PLXNA4: variants seen among roughly 807,000 people sequenced by gnomAD.
PLXNA4 encodes the protein plexin-A4.
In PLXNA4, 44 loss-of-function variants were observed where a neutral mutation model predicts 191.8. The observed-to-expected ratio is 0.23, with a 90% CI of 0.18 to 0.29. PLXNA4 has a LOEUF of 0.29. Among genes scored for constraint, PLXNA4 ranks in the 10% least tolerant of loss-of-function variants. The pLI, the probability that PLXNA4 is intolerant of heterozygous loss-of-function variation, is 1.00. For missense variants in PLXNA4, 1,800 were observed against 2,488.8 expected, an observed-to-expected ratio of 0.72 and a Z score of 5.89; for synonymous variants, 1,082 against 1,009.5, an observed-to-expected ratio of 1.07 and a Z score of -1.36.
At chr7:132,415,539 C>T (rs2117114877) in intron 3 of PLXNA4, among the ~76,000 whole-genome samples, 1 of 152,208 alleles carries the variant, frequency 6.6e-6, no homozygotes, top group Admixed American at 6.5e-5. Context: ...GGTATTGTCT[C>T]CATATGCTAA....
At chr7:132,541,024 A>C (rs887108982) in intron 1 of PLXNA4, among the ~76,000 whole-genome samples, 44 of 152,222 alleles carry the variant, frequency 2.9e-4, no homozygotes, top group Admixed American at 2.8e-3. Context: ...GAGTGAATGT[A>C]ATCAGTAGAA....
chr7:132,170,684 G>T (rs1020750812), intron 21 of PLXNA4, among the ~76,000 whole-genome samples: 2 of 152,212 alleles, frequency 1.3e-5, no homozygotes, highest in Non-Finnish European at 2.9e-5. Context: ...CAGCCCCAGA[G>T]AGCCCTGAGA....
intron 1 of PLXNA4, among the ~76,000 whole-genome samples, chr7:132,551,776 T>C (rs1266116396): frequency 1.3e-5 from 2 of 152,244 alleles, no homozygotes; most frequent in African/African-American, 4.8e-5. Flanking sequence ...CTCTGTGTCC[T>C]TTTAACATCC....
intron 30 of PLXNA4, among the ~76,000 whole-genome samples, chr7:132,134,317 C>T (rs1358726640): frequency 1.3e-5 from 2 of 152,232 alleles, no homozygotes; most frequent in African/African-American, 4.8e-5. Context: ...CTGTCTTGTG[C>T]TGTTTCCCTG....
chr7:132,369,262 G>A (rs1294071740), intron 3 of PLXNA4, among the ~76,000 whole-genome samples: 2 of 152,188 alleles, frequency 1.3e-5, no homozygotes, highest in Non-Finnish European at 2.9e-5. Context: ...GGCCCCCAGA[G>A]CCACCCAGGT....
Position 132,124,966 on chromosome 7 carries a change from T to C in PLXNA4, c.*5513A>G, listed in dbSNP as rs779000855. 25 of 151,794 alleles carry C rather than the reference T, an allele frequency of 1.6e-4. No homozygotes were observed. The highest frequency in any genetic ancestry group is 2.6e-4 in the Non-Finnish European group (18 of 68,010). The allele number at this position is 151,794 out of a possible 1,614,324, so 9.4% of individuals were successfully genotyped here. A position where few individuals can be genotyped will look rare whatever the true frequency, so the allele number is the denominator to read the frequency against. ...ATGTATTTCTCTTACAACCAAAAAA[T>C]TCTATATACTTTTAAAACTTGGATA... On this transcript the variant is annotated 3_prime_UTR_variant, in exon 32 of 32. Coordinates refer to ENST00000321063, the MANE Select transcript of PLXNA4 (RefSeq NM_020911.2).
intron 4 of PLXNA4, among the ~76,000 whole-genome samples, chr7:132,274,725 C>T (rs73157250): frequency 0.039 from 5,802 of 148,874 alleles, 176 homozygotes; most frequent in Middle Eastern, 0.068. Context: ...ATTTTTGGCA[C>T]GAATACCACA....
At chr7:132,289,510 G>A (rs1800805276) in intron 4 of PLXNA4, among the ~76,000 whole-genome samples, 1 of 152,104 alleles carries the variant, frequency 6.6e-6, no homozygotes, top group Non-Finnish European at 1.5e-5. Context: ...CTTAGGGAAT[G>A]CATCTTTTAA....
intron 3 of PLXNA4, among the ~76,000 whole-genome samples, chr7:132,479,346 CAAGG>C (rs1368130222): frequency 6.6e-6 from 1 of 152,046 alleles, no homozygotes; most frequent in Admixed American, 6.5e-5. Flanking sequence ...AGGGCAGCCC[CAAGG>C]AAGGGAGAGC....
chr7:132,228,442 C>A lies in PLXNA4; in HGVS notation c.1632G>T (p.Arg544=). Residue 544 remains arginine, a synonymous_variant, in exon 6 of 32, where the codon CGG becomes CGT. Transcript: ENST00000321063. Reference sequence around the variant, plus strand: ...AGGCAAACCTGCGGGGCTCCTTGGACCGCTCACACCGCTCCTTCCGGGTGC... The same window carrying A: ...AGGCAAACCTGCGGGGCTCCTTGGAACGCTCACACCGCTCCTTCCGGGTGC... ...NTCTRKERCE[R]SKEPRRFASE... is the part of the protein sequence containing the mutation. 1 of 1,614,148 alleles carries A rather than the reference C, an allele frequency of 6.2e-7. No homozygotes were observed. Among genetic ancestry groups the A allele is most frequent in the Non-Finnish European group, 8.5e-7 (1 of 1,180,036 alleles).
chr7:132,522,727 G>A (rs1799240533), intron 1 of PLXNA4, among the ~76,000 whole-genome samples: 1 of 152,300 alleles, frequency 6.6e-6, no homozygotes, highest in South Asian at 2.1e-4. Flanking sequence ...AGCTGAGATT[G>A]TGCCACTGCA....
intron 3 of PLXNA4, among the ~76,000 whole-genome samples, chr7:132,410,735 G>T (rs1404764471): frequency 6.6e-6 from 1 of 152,188 alleles, no homozygotes; most frequent in East Asian, 1.9e-4. Context: ...GGGGAAGACT[G>T]CTATCGTTTA....
chr7:132,241,497 A>C (rs1300244377), intron 4 of PLXNA4, among the ~76,000 whole-genome samples: 5 of 152,306 alleles, frequency 3.3e-5, no homozygotes, highest in Middle Eastern at 3.4e-3. Context: ...TATCTCTACA[A>C]ATGGCCAATT....
intron 1 of PLXNA4, among the ~76,000 whole-genome samples, chr7:132,513,100 G>A (rs1366655737): frequency 6.6e-6 from 1 of 152,166 alleles, no homozygotes; most frequent in Non-Finnish European, 1.5e-5. Context: ...AGTCTCAGGG[G>A]AGATGGGACT....
At chr7:132,202,021 C>CA (rs1797453754) in intron 12 of PLXNA4, among the ~76,000 whole-genome samples, 2 of 152,150 alleles carry the variant, frequency 1.3e-5, no homozygotes, top group Non-Finnish European at 2.9e-5. Context: ...GGTGATTTAG[C>CA]CCCAAGGTAC....
chr7:132,430,023 A>T (rs1330626499), intron 3 of PLXNA4, among the ~76,000 whole-genome samples: 3 of 152,164 alleles, frequency 2.0e-5, no homozygotes. Flanking sequence ...TTGCGTCTCA[A>T]TCTGCCCCTC....
intron 3 of PLXNA4, among the ~76,000 whole-genome samples, chr7:132,429,918 T>A (rs1795196258): frequency 6.6e-6 from 1 of 152,162 alleles, no homozygotes; most frequent in Admixed American, 6.5e-5. Context: ...CTGACGTCTG[T>A]GAGAACCCAG....
Position 132,179,032 on chromosome 7 carries a change from GCACACA to G in PLXNA4, c.3874+649_3874+654del, listed in dbSNP as rs67794762. Among the ~76,000 whole-genome samples the G allele has an allele frequency of 1.8e-4, 11 of 61,662 alleles. No homozygotes were observed. In the East Asian group the frequency reaches 2.8e-3, roughly 16 times the overall value. 40.5% of individuals were successfully genotyped at this position (61,662 alleles called of 152,430 possible). ...CACATACACATATACAGGCGCGCGC[GCACACA>G]CACACACACACACACACACGGCCTC... is the stretch of plus-strand genomic sequence containing the variant. On this transcript the variant is annotated intron_variant, in intron 20 of 31. Transcript: ENST00000321063.
chr7:132,132,387 G>A (rs531284877), intron 31 of PLXNA4, among the ~76,000 whole-genome samples: 1 of 41,524 alleles, frequency 2.4e-5, no homozygotes, highest in Non-Finnish European at 4.8e-5. Flanking sequence ...TATTTGTTCT[G>A]TTCTGTTCTG....
Sources: allele counts gnomAD v4.1 joint callset (sites outside exome capture counted in the v4.1 genomes callset), GRCh38; gene constraint gnomAD v4.1.1; transcripts MANE v1.5; gene names NCBI Gene and HGNC (gene_info 2026-07-23, HGNC 2026-07-21).